The following CYP4F3 variants were observed in gnomAD, a reference collection of about 807,000 sequenced individuals.
CYP4F3 encodes cytochrome P450 4F3.
CYP4F3 carries 50 observed loss-of-function variants against 54.8 expected under a neutral mutation model. The observed-to-expected ratio is 0.91, with a 90% CI of 0.73 to 1.16. The LOEUF (loss-of-function observed/expected upper bound fraction) is 1.16. Among genes scored for constraint, CYP4F3 ranks in the 50% most tolerant of loss-of-function variants. The pLI, the probability that CYP4F3 is intolerant of heterozygous loss-of-function variation, is 0.00. For synonymous variants in CYP4F3, 244 were observed against 262.6 expected, an observed-to-expected ratio of 0.93 and a Z score of 0.69; for missense variants, 715 against 676.2, an observed-to-expected ratio of 1.06 and a Z score of -0.64.
At chr19:15,644,302 G>A (rs2204000) in intron 2 of CYP4F3, among the ~76,000 whole-genome samples, 69,585 of 152,030 alleles carry the variant, frequency 0.46, 17,180 homozygotes, top group East Asian at 0.68. Flanking sequence ...CCAAGGCCCT[G>A]TCCTGGAGGA....
chr19:15,659,591 A>G lies in CYP4F3; in HGVS notation c.*206A>G. 1 of 921,020 alleles carries G rather than the reference A, an allele frequency of 1.1e-6. No individual in the cohort carries two copies. Among genetic ancestry groups the G allele is most frequent in the Non-Finnish European group, 1.6e-6 (1 of 631,254 alleles). The allele number at this position is 921,020 out of a possible 1,614,324, so 57.1% of individuals were successfully genotyped here. A position where few individuals can be genotyped will look rare whatever the true frequency, so the allele number is the denominator to read the frequency against. ...TATTCACAGTAGCCAAACGATGAAA[A>G]CAACCCCAAGCTATATATTACCAGA... On this transcript the variant is annotated 3_prime_UTR_variant, in exon 13 of 13. Transcript: ENST00000221307.
chr19:15,647,353 T>A, intron 5 of CYP4F3, 29 bp downstream of exon 5: 1 of 1,613,670 alleles, frequency 6.2e-7, no homozygotes, highest in Non-Finnish European at 8.5e-7. Context: ...AGGTCCCAGC[T>A]GCAGCCTTTG....
intron 9 of CYP4F3, among the ~76,000 whole-genome samples, chr19:15,654,847 AT>A (rs1334770036): frequency 6.6e-6 from 1 of 152,116 alleles, no homozygotes; most frequent in Non-Finnish European, 1.5e-5. Context: ...CCATATATTT[AT>A]TTTCTTTCTT....
Position 15,645,911 on chromosome 19 carries a change from C to T in CYP4F3, c.343+48C>T, listed in dbSNP as rs911329695. ...CAGGTAGACACTGCACTGGCCACGC[C>T]TTGCCCACAGCTGGGGTCTCTGTGC... On this transcript the variant is annotated intron_variant, in intron 3 of 12. Coordinates refer to ENST00000221307, the MANE Select transcript of CYP4F3 (RefSeq NM_000896.3). 2.0e-6 allele frequency: 3 copies of T among 1,525,392 alleles called. No homozygotes were observed. In the African/African-American group the frequency reaches 4.1e-5, roughly 21 times the overall value. The allele number at this position is 1,525,392 out of a possible 1,614,324, so 94.5% of individuals were successfully genotyped here.
At chr19:15,654,616 T>C (rs1014988968) in intron 9 of CYP4F3, among the ~76,000 whole-genome samples, 1 of 152,238 alleles carries the variant, frequency 6.6e-6, no homozygotes, top group African/African-American at 2.4e-5. Context: ...ATATTTGTCT[T>C]TCTGTTTTTG....
Position 15,647,055 on chromosome 19 carries a change from C to A in CYP4F3, c.347C>A (p.Ala116Asp). The change falls in exon 4 of 13, where the codon GCC becomes GAC. Residue 116 changes from alanine (A) to aspartate (D), a missense_variant. Physicochemically the swap from Ala to Asp is moderately radical, Grantham distance 126. Coordinates refer to ENST00000221307, the MANE Select transcript of CYP4F3 (RefSeq NM_000896.3). The stretch of plus-strand genomic sequence containing the variant: ...TGATTGTCCTCATTTATGTCAGCTG[C>A]CATTGTACCAAAGGACAAGGTCTTC... ...YIKPVLFAPA[A>D]IVPKDKVFYS... The A allele has an allele frequency of 1.2e-6, 2 of 1,614,206 alleles. No homozygotes were observed. The highest frequency in any genetic ancestry group is 2.2e-5 in the South Asian group (2 of 91,084).
In CYP4F3 at chr19:15,661,392, G is replaced by C. The variant is rs965580269; in HGVS notation, c.*2007G>C. 1 of 152,224 alleles carries C rather than the reference G, an allele frequency of 6.6e-6. No individual in the cohort carries two copies. Among genetic ancestry groups the C allele is most frequent in the African/African-American group, 2.4e-5 (1 of 41,440 alleles). The allele number at this position is 152,224 out of a possible 1,614,324, so 9.4% of individuals were successfully genotyped here. ...CCATAAGTAACGTATGAGAATTCTA[G>C]GTCCTCCAAATAATTAGCAGTCCTT... On this transcript the variant is annotated 3_prime_UTR_variant, in exon 13 of 13. Transcript: ENST00000221307.
At position 15,641,511 on chromosome 19, in the gene CYP4F3, C is replaced by T. The variant is rs1972462118; in HGVS notation, c.96C>T (p.Ala32=). ...TGGTTGGGGCCTCCTGGCTCCTGGCCCGCATCCTGGCCTGGACCTATACCT... is the reference window on the plus strand; with the variant it reads ...TGGTTGGGGCCTCCTGGCTCCTGGCTCGCATCCTGGCCTGGACCTATACCT... ...LLLVGASWLL[A]RILAWTYTFY... The change falls in exon 2 of 13, where the codon GCC becomes GCT. Residue 32 remains alanine, a synonymous_variant. Coordinates refer to ENST00000221307, the MANE Select transcript of CYP4F3 (RefSeq NM_000896.3). 6 of 1,614,172 alleles carry T rather than the reference C, an allele frequency of 3.7e-6. No individual in the cohort carries two copies. Among genetic ancestry groups the T allele is most frequent in the Non-Finnish European group, 5.1e-6 (6 of 1,180,030 alleles).
At chr19:15,644,224 C>T (rs1972559013) in intron 2 of CYP4F3, among the ~76,000 whole-genome samples, 1 of 152,228 alleles carries the variant, frequency 6.6e-6, no homozygotes, top group Non-Finnish European at 1.5e-5. Context: ...AGCATCTCCT[C>T]TCTCCATTGC....
chr19:15,642,363 T>C (rs1972488921), intron 2 of CYP4F3, among the ~76,000 whole-genome samples: 1 of 152,182 alleles, frequency 6.6e-6, no homozygotes, highest in East Asian at 1.9e-4. Context: ...ACTGTCATGA[T>C]GGACAGTTAG....
At position 15,641,526 on chromosome 19, in the gene CYP4F3, G is replaced by T. The variant is rs747575215; in HGVS notation, c.111G>T (p.Trp37Cys). Residue 37 changes from tryptophan to cysteine, a missense_variant, in exon 2 of 13, where the codon TGG becomes TGT. Trp to Cys is a radical substitution (Grantham distance 215). Coordinates refer to ENST00000221307, the MANE Select transcript of CYP4F3 (RefSeq NM_000896.3). Reference protein sequence around the residue: ...ASWLLARILAWTYTFYDNCCR... With the variant: ...ASWLLARILACTYTFYDNCCR... ...GGCTCCTGGCCCGCATCCTGGCCTG[G>T]ACCTATACCTTCTATGACAACTGCT... 6.2e-7 allele frequency: 1 copy of T among 1,614,172 alleles called. No homozygotes were observed. Among genetic ancestry groups the T allele is most frequent in the South Asian group, 1.1e-5 (1 of 91,078 alleles).
chr19:15,656,052 C>T (rs1401464275), intron 9 of CYP4F3, among the ~76,000 whole-genome samples: 1 of 152,134 alleles, frequency 6.6e-6, no homozygotes, highest in Admixed American at 6.5e-5. Context: ...TACCCTTTGA[C>T]CAACATTTCA....
chr19:15,649,146 C>T lies in CYP4F3; in HGVS notation c.526-14C>T, dbSNP rs773732215. On this transcript the variant is annotated splice_polypyrimidine_tract_variant and intron_variant, in intron 5 of 12. Coordinates refer to ENST00000221307, the MANE Select transcript of CYP4F3 (RefSeq NM_000896.3). ...CAAGGGACCTGCCCCAGCTCTGTCC[C>T]CTTCTCTGGCTAGGCCAAGTGGCAG... is the stretch of plus-strand genomic sequence containing the variant. The T allele has an allele frequency of 3.7e-6, 6 of 1,612,880 alleles. No individual in the cohort carries two copies. The Admixed American group carries it at 6.7e-5, about 18-fold the overall frequency.
rs1323062788 is a variant in CYP4F3, at chr19:15,658,318, G to A, written c.1170G>A (p.Arg390=). ...CCATGTGCATTAAGGAGAGCCTGAG[G>A]CTGCATCCCCCAGTCCCTGCCGTCT... ...FLTMCIKESL[R]LHPPVPAVSR... The change falls in exon 10 of 13, where the codon AGG becomes AGA. Residue 390 remains arginine (R), a synonymous_variant. Coordinates refer to ENST00000221307, the MANE Select transcript of CYP4F3 (RefSeq NM_000896.3). 3.7e-6 allele frequency: 6 copies of A among 1,614,134 alleles called. No homozygotes were observed. Among genetic ancestry groups the A allele is most frequent in the Non-Finnish European group, 5.1e-6 (6 of 1,180,012 alleles).
chr19:15,648,910 A>T (rs1340226779), intron 5 of CYP4F3, among the ~76,000 whole-genome samples: 1 of 152,182 alleles, frequency 6.6e-6, no homozygotes, highest in Non-Finnish European at 1.5e-5. Context: ...TAATGAGTTG[A>T]CTAATGGCAC....
At position 15,658,716 on chromosome 19, in the gene CYP4F3, C is replaced by T. The variant is rs886166855; in HGVS notation, c.1315-11C>T. 2.5e-6 allele frequency: 4 copies of T among 1,613,772 alleles called. No homozygotes were observed. In the African/African-American group the frequency reaches 5.3e-5, roughly 22 times the overall value. ...ACCCCACCCGGCAACCCTTCTTGGT[C>T]TCGCCTCCAGGTCTATGACCCCTTT... On this transcript the variant is annotated splice_polypyrimidine_tract_variant and intron_variant, in intron 11 of 12. Coordinates refer to ENST00000221307, the MANE Select transcript of CYP4F3 (RefSeq NM_000896.3).
chr19:15,649,786 T>A, intron 6 of CYP4F3, 127 bp from the exon 7 acceptor site: 1 of 1,345,728 alleles, frequency 7.4e-7, no homozygotes, highest in Non-Finnish European at 1.0e-6. Flanking sequence ...ATCCTGCATC[T>A]GAGGGGCCAT....
Position 15,658,501 on chromosome 19 carries a change from C to T in CYP4F3, c.1260C>T (p.Cys420=). ...CCTTCTCTCCCACAGGCATTATCTG[C>T]CTCATCAGTGTTTTTGGAACCCATC... ...DGRVIPKGII[C]LISVFGTHHN... is the part of the protein sequence containing the mutation. The change falls in exon 11 of 13, where the codon TGC becomes TGT. Residue 420 remains cysteine (C), a synonymous_variant. Transcript: ENST00000221307. The T allele has an allele frequency of 1.2e-6, 2 of 1,614,214 alleles. No individual in the cohort carries two copies. The highest frequency in any genetic ancestry group is 2.2e-5 in the South Asian group (2 of 91,088).
At position 15,659,241 on chromosome 19, in the gene CYP4F3, C is replaced by A. The variant is rs140820169; in HGVS notation, c.1419C>A (p.Phe473Leu). 1 of 1,610,906 alleles carries A rather than the reference C, an allele frequency of 6.2e-7. No homozygotes were observed. Among genetic ancestry groups the A allele is most frequent in the Non-Finnish European group, 8.5e-7 (1 of 1,179,226 alleles). ...CAAGGAACTGCATCGGGCAGGCGTT[C>A]GCGATGGCGGAGATGAAGGTGGTCC... ...AGPRNCIGQAFAMAEMKVVLG... is the reference protein window; with the variant it reads ...AGPRNCIGQALAMAEMKVVLG... The change falls in exon 13 of 13, where the codon TTC becomes TTA. Residue 473 changes from phenylalanine to leucine, a missense_variant. Transcript: ENST00000221307.
Sources: allele counts gnomAD v4.1 joint callset (sites outside exome capture counted in the v4.1 genomes callset), GRCh38; gene constraint gnomAD v4.1.1; transcripts MANE v1.5; gene names NCBI Gene and HGNC (gene_info 2026-07-23, HGNC 2026-07-21).